Variants in STK32B observed in about 807,000 individuals in gnomAD.
STK32B encodes the protein serine/threonine-protein kinase 32B.
In STK32B, 43 loss-of-function variants were observed where a neutral mutation model predicts 52.6. That is an observed-to-expected ratio of 0.82 (90% CI 0.64 to 1.05). The LOEUF is 1.05. Among genes scored for constraint, STK32B ranks in the 50% least tolerant of loss-of-function variants. The probability of loss-of-function intolerance (pLI) is 0.00; values close to 1 mark genes in which losing one functional copy is unlikely to be tolerated. For missense variants in STK32B, 621 were observed against 534.6 expected (o/e 1.16, Z -1.59); for synonymous variants, 238 against 204.3 (o/e 1.17, Z -1.41).
chr4:5,142,177 G>A (rs552481335), intron 2 of STK32B, among the ~76,000 whole-genome samples: 1 of 152,196 alleles, frequency 6.6e-6, no homozygotes, highest in Non-Finnish European at 1.5e-5. Context: ...GCAAAGTTGA[G>A]TAAGAAGTGA....
intron 2 of STK32B, among the ~76,000 whole-genome samples, chr4:5,153,138 A>G (rs1316702410): frequency 6.6e-6 from 1 of 152,208 alleles, no homozygotes; most frequent in Non-Finnish European, 1.5e-5. Flanking sequence ...GGCTTCTATC[A>G]CAGGCACATC....
chr4:5,498,920 AACTC>A (rs1720506204), intron 11 of STK32B, 21 bp from the exon 12 acceptor site: 1 of 1,602,286 alleles, frequency 6.2e-7, no homozygotes, highest in Non-Finnish European at 8.5e-7. Context: ...CCGCACCACT[AACTC>A]AGATCTGTGC....
In STK32B at chr4:5,499,080, C is replaced by T; in HGVS notation, c.1242C>T (p.Ser414=). 1 of 1,608,984 alleles carries T rather than the reference C, an allele frequency of 6.2e-7. No individual in the cohort carries two copies. The highest frequency in any genetic ancestry group is 8.5e-7 in the Non-Finnish European group (1 of 1,177,180). The change falls in exon 12 of 12, where the codon AGC becomes AGT. Residue 414 remains serine, a synonymous_variant. Coordinates refer to ENST00000282908, the MANE Select transcript of STK32B (RefSeq NM_018401.3). ...LTHTCTRGCS[S] is the part of the protein sequence containing the mutation. ...ACACCTGCACCCGTGGCTGCAGCAG[C>T]TGAGCCCACACTTGTTGCTGCTCAA...
chr4:5,321,249 A>G (rs1354050675), intron 3 of STK32B, among the ~76,000 whole-genome samples: 1 of 152,212 alleles, frequency 6.6e-6, no homozygotes, highest in East Asian at 1.9e-4. Context: ...ACATAGAGCA[A>G]GGAGCCTCGG....
chr4:5,036,281 T>C, the STK32B span, among the ~76,000 whole-genome samples: 1 of 152,200 alleles, frequency 6.6e-6, no homozygotes, highest in South Asian at 2.1e-4. Flanking sequence ...TACCCAGCAC[T>C]GAGCATAGCC....
chr4:5,246,303 C>T (rs903019668), intron 3 of STK32B, among the ~76,000 whole-genome samples: 1 of 152,154 alleles, frequency 6.6e-6, no homozygotes, highest in Non-Finnish European at 1.5e-5. Flanking sequence ...AGATTCTCTT[C>T]ATGCTTCATT....
At chr4:5,019,454 G>A in the STK32B span, 925 of 1,455,460 alleles carry the variant, frequency 6.4e-4, no homozygotes, top group Non-Finnish European at 7.8e-4. Flanking sequence ...ATGGTGCCAG[G>A]CGCTGGTGCA....
At chr4:5,219,133 C>G (rs549259309) in intron 3 of STK32B, among the ~76,000 whole-genome samples, 1 of 152,340 alleles carries the variant, frequency 6.6e-6, no homozygotes, top group African/African-American at 2.4e-5. Flanking sequence ...CTTAGCTTCT[C>G]CAAGGTGGAG....
chr4:5,440,545 T>C (rs755326244), intron 6 of STK32B, among the ~76,000 whole-genome samples: 54 of 152,230 alleles, frequency 3.5e-4, no homozygotes, highest in Non-Finnish European at 7.3e-4. Context: ...TCATGTCATC[T>C]GCAAACAGAG....
At chr4:5,449,897 C>T (rs1408011497) in intron 7 of STK32B, among the ~76,000 whole-genome samples, 1 of 152,098 alleles carries the variant, frequency 6.6e-6, no homozygotes, top group African/African-American at 2.4e-5. Flanking sequence ...GCTCAGGGCT[C>T]CCACTGATTC....
chr4:5,019,971 G>T, the STK32B span, among the ~76,000 whole-genome samples: 1 of 152,162 alleles, frequency 6.6e-6, no homozygotes. Context: ...GGCCACCGGT[G>T]TCCTCGTCCA....
intron 4 of STK32B, among the ~76,000 whole-genome samples, chr4:5,337,509 G>A (rs142776877): frequency 1.8e-4 from 27 of 152,268 alleles, no homozygotes; most frequent in African/African-American, 3.6e-4. Context: ...GCAGATAGGC[G>A]TAGGAAAACT....
At chr4:5,372,984 A>G (rs777605915) in intron 4 of STK32B, among the ~76,000 whole-genome samples, 1 of 152,156 alleles carries the variant, frequency 6.6e-6, no homozygotes, top group Non-Finnish European at 1.5e-5. Flanking sequence ...TATTGAATAT[A>G]TGTCAAGTAT....
intron 1 of STK32B, among the ~76,000 whole-genome samples, chr4:5,111,837 C>A (rs113126283): frequency 6.6e-6 from 1 of 152,176 alleles, no homozygotes; most frequent in Non-Finnish European, 1.5e-5. Flanking sequence ...GATTCTGAGA[C>A]AAGGATCCAT....
chr4:5,157,258 A>T (rs1717927219), intron 2 of STK32B, among the ~76,000 whole-genome samples: 2 of 149,976 alleles, frequency 1.3e-5, no homozygotes, highest in African/African-American at 2.5e-5. Flanking sequence ...TTCACGGATC[A>T]CTGCTCTGCC....
At chr4:5,387,331 G>C (rs1736324634) in intron 4 of STK32B, among the ~76,000 whole-genome samples, 1 of 152,160 alleles carries the variant, frequency 6.6e-6, no homozygotes, top group Admixed American at 6.5e-5. Context: ...TCTAGGAATG[G>C]GCCCTGATTC....
At chr4:5,354,138 G>C (rs915645434) in intron 4 of STK32B, among the ~76,000 whole-genome samples, 2 of 152,138 alleles carry the variant, frequency 1.3e-5, no homozygotes, top group African/African-American at 4.8e-5. Flanking sequence ...AGACACACAA[G>C]GACAAATTGT....
intron 3 of STK32B, among the ~76,000 whole-genome samples, chr4:5,312,316 T>A (rs866458124): frequency 1.2e-4 from 18 of 151,978 alleles, no homozygotes; most frequent in African/African-American, 3.9e-4. Context: ...ACTTTAAGTT[T>A]TAGGGTACAT....
chr4:5,104,464 G>A (rs1713993113), intron 1 of STK32B, among the ~76,000 whole-genome samples: 1 of 152,176 alleles, frequency 6.6e-6, no homozygotes, highest in South Asian at 2.1e-4. Flanking sequence ...ATCAGATTAA[G>A]GAATTTAACT....
Sources: allele counts gnomAD v4.1 joint callset (sites outside exome capture counted in the v4.1 genomes callset), GRCh38; gene constraint gnomAD v4.1.1; transcripts MANE v1.5; gene names NCBI Gene and HGNC (gene_info 2026-07-23, HGNC 2026-07-21).